USP30: variants seen among roughly 807,000 people sequenced by gnomAD.
The protein encoded by USP30 is ubiquitin specific peptidase 30.
In USP30, 41 loss-of-function variants were observed where a neutral mutation model predicts 68.2. The observed-to-expected ratio is 0.60, with a 90% confidence interval of 0.47 to 0.78. The LOEUF (loss-of-function observed/expected upper bound fraction) is 0.78. Among genes scored for constraint, USP30 ranks in the 30% least tolerant of loss-of-function variants. The pLI, the probability that USP30 is intolerant of heterozygous loss-of-function variation, is 0.00. For missense variants in USP30, 522 were observed against 649.4 expected (o/e 0.80, Z 2.13); for synonymous variants, 229 against 253.7 (o/e 0.90, Z 0.93).
intron 3 of USP30, among the ~76,000 whole-genome samples, chr12:109,059,052 C>T (rs576703549): frequency 6.6e-6 from 1 of 152,118 alleles, no homozygotes; most frequent in Admixed American, 6.6e-5. Flanking sequence ...TGGTTAGAAA[C>T]GTAGATTGTG....
chr12:109,043,183 T>C (rs1192569668), intron 3 of USP30, among the ~76,000 whole-genome samples: 2 of 152,212 alleles, frequency 1.3e-5, no homozygotes, highest in East Asian at 3.8e-4. Flanking sequence ...AAGTGATCTG[T>C]AGAGTAAATA....
chr12:109,026,281 G>A (rs1429772538), intron 2 of USP30, among the ~76,000 whole-genome samples: 1 of 151,902 alleles, frequency 6.6e-6, no homozygotes, highest in Non-Finnish European at 1.5e-5. Flanking sequence ...TCACTGTGTT[G>A]CCCAGGCTGG....
intron 3 of USP30, among the ~76,000 whole-genome samples, chr12:109,029,341 G>A (rs765226169): frequency 6.6e-6 from 1 of 152,218 alleles, no homozygotes; most frequent in Non-Finnish European, 1.5e-5. Context: ...CTCTCTGACA[G>A]ACTAAAAGTT....
intron 3 of USP30, among the ~76,000 whole-genome samples, chr12:109,032,283 G>T (rs2040488431): frequency 6.6e-6 from 1 of 152,092 alleles, no homozygotes; most frequent in Non-Finnish European, 1.5e-5. Context: ...CAGCCTGGGA[G>T]ATAGAATGAT....
chr12:109,033,418 C>T (rs1452927939), intron 3 of USP30, among the ~76,000 whole-genome samples: 1 of 152,182 alleles, frequency 6.6e-6, no homozygotes, highest in African/African-American at 2.4e-5. Context: ...TAACATTAGT[C>T]TTCGAGTCAC....
In USP30 at chr12:109,083,665, TA is replaced by T. The variant is rs1334066449; in HGVS notation, c.1168+606del. Among the ~76,000 whole-genome samples, 3 of 152,126 alleles carry T rather than the reference TA, an allele frequency of 2.0e-5. No individual in the cohort carries two copies. The East Asian group carries it at 5.8e-4, about 29-fold the overall frequency. ...TAGAATGCCATGTTGGGCCATTTTC[TA>T]AAGGTGTCTCATGTGACACACTGAG... On this transcript the variant is annotated intron_variant, in intron 11 of 12. Coordinates refer to ENST00000257548, the MANE Select transcript of USP30 (RefSeq NM_032663.5).
chr12:109,029,260 C>T (rs2040465007), intron 3 of USP30, among the ~76,000 whole-genome samples: 1 of 152,216 alleles, frequency 6.6e-6, no homozygotes, highest in Non-Finnish European at 1.5e-5. Flanking sequence ...AGTGGTTCAA[C>T]TGTCAAAGAC....
At position 109,067,572 on chromosome 12, in the gene USP30, G is replaced by C. The variant is rs754572292; in HGVS notation, c.425G>C (p.Cys142Ser). Reference protein sequence around the residue: ...VTDDEVLDASCLLDVLRMYRW... With the variant: ...VTDDEVLDASSLLDVLRMYRW... ...GATGATGAGGTCTTAGATGCAAGCT[G>C]CTTGTTGGATGTCTTAAGAATGTAC... The change falls in exon 4 of 13, where the codon TGC becomes TCC. Residue 142 changes from cysteine to serine, a missense_variant. Physicochemically the swap from Cys to Ser is moderately radical, Grantham distance 112 (BLOSUM62 -1). Transcript: ENST00000257548. 31 of 1,614,184 alleles carry C rather than the reference G, an allele frequency of 1.9e-5. No individual in the cohort carries two copies. The highest frequency in any genetic ancestry group is 2.6e-5 in the Non-Finnish European group (31 of 1,180,026).
At chr12:109,029,863 G>C (rs1460550174) in intron 3 of USP30, among the ~76,000 whole-genome samples, 1 of 152,048 alleles carries the variant, frequency 6.6e-6, no homozygotes, top group Non-Finnish European at 1.5e-5. Flanking sequence ...AGGGTGAGAG[G>C]GGCAACCTTT....
At chr12:109,030,341 T>A (rs1478409806) in intron 3 of USP30, among the ~76,000 whole-genome samples, 3 of 152,218 alleles carry the variant, frequency 2.0e-5, no homozygotes, top group Non-Finnish European at 2.9e-5. Context: ...TGGATATTCA[T>A]GTGCATGGCA....
chr12:109,059,732 C>T (rs1425229964), intron 3 of USP30, among the ~76,000 whole-genome samples: 2 of 152,206 alleles, frequency 1.3e-5, no homozygotes, highest in East Asian at 3.9e-4. Context: ...AGACATGTCT[C>T]GAACTCCTGA....
At chr12:109,052,854 T>C in intron 1 of USP30, 93 bp downstream of exon 1, 2 of 1,259,516 alleles carry the variant, frequency 1.6e-6, no homozygotes, top group Non-Finnish European at 2.1e-6. Flanking sequence ...AGTTGGGGTC[T>C]CCAGGGCCCG....
chr12:109,035,550 G>C (rs1225881070), intron 3 of USP30, among the ~76,000 whole-genome samples: 1 of 152,076 alleles, frequency 6.6e-6, no homozygotes, highest in Non-Finnish European at 1.5e-5. Context: ...TTTTAGTAGA[G>C]ATGAGGTTTC....
upstream of USP30, among the ~76,000 whole-genome samples, chr12:109,051,366 C>T (rs570151449): frequency 2.0e-5 from 3 of 150,946 alleles, no homozygotes; most frequent in African/African-American, 4.9e-5. Context: ...TAGCGATTCT[C>T]CCGCCTCAGC....
intron 3 of USP30, among the ~76,000 whole-genome samples, chr12:109,033,118 T>C (rs888504748): frequency 3.3e-5 from 5 of 152,162 alleles, no homozygotes; most frequent in Non-Finnish European, 7.3e-5. Flanking sequence ...TGGACTTAAA[T>C]TCAAAAAATG....
chr12:109,030,114 T>C (rs1328542175), intron 3 of USP30, among the ~76,000 whole-genome samples: 1 of 152,246 alleles, frequency 6.6e-6, no homozygotes, highest in Non-Finnish European at 1.5e-5. Context: ...ACCTACTTTA[T>C]ACCTTTCCCA....
intron 4 of USP30, 105 bp from the exon 5 acceptor site, chr12:109,071,507 C>A: frequency 1.1e-6 from 1 of 893,660 alleles, no homozygotes; most frequent in Non-Finnish European, 1.8e-6. Flanking sequence ...AGGTAGAAAG[C>A]AAATTCTACC....
chr12:109,042,025 A>G (rs2040568784), intron 3 of USP30, among the ~76,000 whole-genome samples: 2 of 152,162 alleles, frequency 1.3e-5, no homozygotes, highest in Middle Eastern at 3.4e-3. Flanking sequence ...GAAAATTAAA[A>G]TTACTAGTAA....
chr12:109,036,269 T>C (rs548784843), intron 3 of USP30, among the ~76,000 whole-genome samples: 28 of 152,246 alleles, frequency 1.8e-4, no homozygotes, highest in African/African-American at 6.7e-4. Context: ...TGCCCTTTCA[T>C]TTTAGCCCAA....
Sources: gnomAD v4.1 joint callset for allele counts (sites outside exome capture counted in the v4.1 genomes callset) on GRCh38, gnomAD v4.1.1 for gene constraint, MANE v1.5 for transcripts, NCBI Gene and HGNC (gene_info 2026-07-23, HGNC 2026-07-21) for gene names.